The following PRRG1 variants were observed in gnomAD, a reference collection of about 807,000 sequenced individuals.
The protein encoded by PRRG1 is proline rich and Gla domain 1.
A neutral mutation model predicts 11.8 loss-of-function variants in PRRG1; 5 were observed. The ratio of observed to expected loss-of-function variants is 0.42; its 90% CI spans 0.22 to 0.89. PRRG1 has a LOEUF of 0.89. PRRG1 is among the 40% of genes least tolerant of loss of function. PRRG1 has a pLI of 0.28. For synonymous variants in PRRG1, 66 were observed against 60.4 expected, an observed-to-expected ratio of 1.09 and a Z score of -0.43; for missense variants, 155 against 166.1, an observed-to-expected ratio of 0.93 and a Z score of 0.37.
At chrX:37,447,297 T>G (rs939902365) in intron 3 of PRRG1, among the ~76,000 whole-genome samples, 1 of 112,133 alleles carries the variant, frequency 8.9e-6, no homozygotes, top group Non-Finnish European at 1.9e-5. Context: ...TTTCTTTCCT[T>G]TGTTTTTAAC....
chrX:37,412,614 C>T (rs1932379000), intron 2 of PRRG1, among the ~76,000 whole-genome samples: 1 of 110,047 alleles, frequency 9.1e-6, no homozygotes, highest in African/African-American at 3.3e-5. Flanking sequence ...AAATTCTTAT[C>T]TTCAGAATTT....
intron 2 of PRRG1, among the ~76,000 whole-genome samples, chrX:37,418,810 A>T (rs938080242): frequency 2.7e-5 from 3 of 111,165 alleles, no homozygotes; most frequent in African/African-American, 9.8e-5. Flanking sequence ...ATTAGCTTTC[A>T]CTTCTGTTGG....
intron 1 of PRRG1, among the ~76,000 whole-genome samples, chrX:37,351,914 T>C (rs1930079325): frequency 8.9e-6 from 1 of 112,736 alleles, no homozygotes; most frequent in South Asian, 3.7e-4. Context: ...AGTTGTATTA[T>C]ACTTCTTTTA....
intron 2 of PRRG1, among the ~76,000 whole-genome samples, chrX:37,424,042 A>G (rs1259349936): frequency 2.7e-5 from 3 of 111,548 alleles, no homozygotes; most frequent in Non-Finnish European, 5.6e-5. Context: ...CTAGTAGGCT[A>G]TGCCATCTAG....
At chrX:37,402,937 C>T (rs1428180994) in intron 1 of PRRG1, among the ~76,000 whole-genome samples, 1 of 111,854 alleles carries the variant, frequency 8.9e-6, no homozygotes, top group Non-Finnish European at 1.9e-5. Context: ...GAGAAACCAT[C>T]TCACACCACT....
rs184469574 is a variant in PRRG1, at chrX:37,425,394, T to C, written c.11-446T>C. Reference sequence around the variant, plus strand: ...ATTCTTTTCATACAAGTTAGAGCTCTCTGGGTTTATATTACTAGGTCAACT... The same window carrying C: ...ATTCTTTTCATACAAGTTAGAGCTCCCTGGGTTTATATTACTAGGTCAACT... On this transcript the variant is annotated intron_variant, in intron 2 of 3. Coordinates refer to ENST00000378628, the MANE Select transcript of PRRG1 (RefSeq NM_001142395.2). Among the ~76,000 whole-genome samples, 20 of 111,575 alleles carry C rather than the reference T, an allele frequency of 1.8e-4. No homozygotes were observed. The East Asian group carries it at 5.3e-3, about 30-fold the overall frequency.
At chrX:37,429,658 C>T (rs1015145114) in intron 3 of PRRG1, among the ~76,000 whole-genome samples, 19 of 111,823 alleles carry the variant, frequency 1.7e-4, no homozygotes, top group African/African-American at 5.9e-4. Flanking sequence ...CTTCTGAGCC[C>T]TCCAAACTGT....
chrX:37,451,194 T>C (rs1332222258), intron 3 of PRRG1, among the ~76,000 whole-genome samples: 1 of 111,673 alleles, frequency 9.0e-6, no homozygotes, highest in Non-Finnish European at 1.9e-5. Context: ...AATTTTGTAT[T>C]TTTAGTACAG....
chrX:37,403,862 T>C, intron 1 of PRRG1: 1 of 522,707 alleles, frequency 1.9e-6, no homozygotes, highest in Non-Finnish European at 2.3e-6. Flanking sequence ...AAAATTGTCT[T>C]ATTTAAAATA....
At chrX:37,351,992 T>C (rs892522090) in intron 1 of PRRG1, among the ~76,000 whole-genome samples, 1 of 112,562 alleles carries the variant, frequency 8.9e-6, no homozygotes, top group Non-Finnish European at 1.9e-5. Context: ...ATAGGCTTGG[T>C]CTAACCATTT....
intron 1 of PRRG1, among the ~76,000 whole-genome samples, chrX:37,377,726 AAG>A (rs1931022244): frequency 8.9e-6 from 1 of 111,885 alleles, no homozygotes; most frequent in East Asian, 2.8e-4. Context: ...ATTATTGTAA[AAG>A]AGATGTAGTG....
chrX:37,390,163 G>A (rs192362848), intron 1 of PRRG1, among the ~76,000 whole-genome samples: 13 of 111,406 alleles, frequency 1.2e-4, no homozygotes, highest in Admixed American at 2.9e-4. Flanking sequence ...AAAAGGGGAT[G>A]GGAAGCTCCC....
At chrX:37,399,967 C>T in intron 1 of PRRG1, among the ~76,000 whole-genome samples, 1 of 111,459 alleles carries the variant, frequency 9.0e-6, no homozygotes. Context: ...TACAGGAGCA[C>T]CCAGATTCAT....
intron 1 of PRRG1, among the ~76,000 whole-genome samples, chrX:37,367,066 A>G (rs781936743): frequency 9.0e-6 from 1 of 111,524 alleles, no homozygotes; most frequent in African/African-American, 3.3e-5. Flanking sequence ...TCCTCAGTCT[A>G]TGGTGTTTTG....
In PRRG1 at chrX:37,455,395, G is replaced by T. The variant is rs1357329795; in HGVS notation, c.*1774G>T. Reference sequence around the variant, plus strand: ...TGTTATTATTATTGTGCTTCATGGAGAATTTTCCCCTCTGTTTTCCTAAAT... The same window carrying T: ...TGTTATTATTATTGTGCTTCATGGATAATTTTCCCCTCTGTTTTCCTAAAT... On this transcript the variant is annotated 3_prime_UTR_variant, in exon 4 of 4. Transcript: ENST00000378628. The T allele has an allele frequency of 8.9e-6, 1 of 112,341 alleles. No individual in the cohort carries two copies. Among genetic ancestry groups the T allele is most frequent in the African/African-American group, 3.2e-5 (1 of 30,884 alleles). 9.3% of individuals were successfully genotyped at this position (112,341 alleles called of 1,213,427 possible). A position where few individuals can be genotyped will look rare whatever the true frequency, so the allele number is the denominator to read the frequency against.
At chrX:37,349,926 C>T (rs1929999998) in intron 1 of PRRG1, among the ~76,000 whole-genome samples, 1 of 110,059 alleles carries the variant, frequency 9.1e-6, no homozygotes, top group Non-Finnish European at 1.9e-5. Flanking sequence ...ATGTGTCCCT[C>T]TTCTGATCCA....
At chrX:37,447,200 G>C (rs1202746233) in intron 3 of PRRG1, among the ~76,000 whole-genome samples, 5 of 111,768 alleles carry the variant, frequency 4.5e-5, no homozygotes, top group Non-Finnish European at 9.4e-5. Flanking sequence ...TTACAATAAT[G>C]GTGTGCTTGC....
chrX:37,406,337 T>C, intron 2 of PRRG1, 78 bp downstream of exon 2: 2 of 1,030,858 alleles, frequency 1.9e-6, no homozygotes, highest in Non-Finnish European at 2.7e-6. Flanking sequence ...TTCTAACTCA[T>C]AGTATATTTG....
At chrX:37,399,899 T>C (rs781975576) in intron 1 of PRRG1, among the ~76,000 whole-genome samples, 1 of 110,313 alleles carries the variant, frequency 9.1e-6, no homozygotes, top group African/African-American at 3.3e-5. Flanking sequence ...CATTACATAA[T>C]GGTAAAAGGA....
Sources: gnomAD v4.1 joint callset for allele counts (sites outside exome capture counted in the v4.1 genomes callset) on GRCh38, gnomAD v4.1.1 for gene constraint, MANE v1.5 for transcripts, NCBI Gene and HGNC (gene_info 2026-07-23, HGNC 2026-07-21) for gene names.